The following ZFPM2 variants were observed in gnomAD, a reference collection of about 807,000 sequenced individuals.
The protein encoded by ZFPM2 is zinc finger protein ZFPM2.
A neutral mutation model predicts 98.6 loss-of-function variants in ZFPM2; 20 were observed. The observed-to-expected ratio is 0.20, with a 90% CI of 0.14 to 0.29. The LOEUF (loss-of-function observed/expected upper bound fraction) is 0.29. Ranked by LOEUF, ZFPM2 falls within the 10% of genes least tolerant of loss-of-function variation. The pLI is 1.00. For synonymous variants in ZFPM2, 518 were observed against 502.7 expected (o/e 1.03, Z -0.41); for missense variants, 1,310 against 1,388.6 (o/e 0.94, Z 0.90).
chr8:105,346,840 C>T (rs1370702017), intron 1 of ZFPM2, among the ~76,000 whole-genome samples: 3 of 152,074 alleles, frequency 2.0e-5, no homozygotes, highest in Non-Finnish European at 4.4e-5. Context: ...CAGGATCCAA[C>T]GATGAATAAG....
chr8:105,662,960 C>T (rs1286727790), intron 5 of ZFPM2: 2 of 152,092 alleles, frequency 1.3e-5, no homozygotes, highest in Non-Finnish European at 2.9e-5. Context: ...AGAGACAACA[C>T]TCGAAGAATG....
intron 4 of ZFPM2, 27 bp from the exon 5 acceptor site, chr8:105,634,219 A>C (rs376900766): frequency 4.1e-5 from 64 of 1,557,280 alleles, no homozygotes; most frequent in Non-Finnish European, 5.5e-5. Context: ...AGCAAATGGC[A>C]TCTGTTTGTT....
At chr8:105,679,675 T>C (rs1395513643) in intron 5 of ZFPM2, among the ~76,000 whole-genome samples, 2 of 151,872 alleles carry the variant, frequency 1.3e-5, no homozygotes, top group Admixed American at 6.6e-5. Flanking sequence ...TGTGTGCCTG[T>C]AGTCCCAGCT....
intron 5 of ZFPM2, among the ~76,000 whole-genome samples, chr8:105,664,382 C>G (rs1817451349): frequency 6.6e-6 from 1 of 151,122 alleles, no homozygotes; most frequent in Non-Finnish European, 1.5e-5. Flanking sequence ...GTTCTTGTTG[C>G]CCAGGCTGGA....
chr8:105,678,860 G>C (rs1437119467), intron 5 of ZFPM2: 1 of 152,142 alleles, frequency 6.6e-6, no homozygotes, highest in African/African-American at 2.4e-5. Flanking sequence ...TAATAGAATA[G>C]AAGCACACAA....
At chr8:105,798,324 C>T (rs1813894932) in intron 6 of ZFPM2, 1 of 158,444 alleles carries the variant, frequency 6.3e-6, no homozygotes, top group African/African-American at 2.4e-5. Flanking sequence ...GTGGCACTCA[C>T]CTGTAATCCC....
At chr8:105,665,130 T>C (rs1378977529) in intron 5 of ZFPM2, among the ~76,000 whole-genome samples, 2 of 152,090 alleles carry the variant, frequency 1.3e-5, no homozygotes, top group Non-Finnish European at 2.9e-5. Context: ...AGGTACCATA[T>C]GGTGAGAGAG....
Position 105,804,355 on chromosome 8 carries a change from A to T in ZFPM2, c.*817A>T, listed in dbSNP as rs1372713013. The T allele has an allele frequency of 1.3e-5, 2 of 152,576 alleles. No individual in the cohort carries two copies. The highest frequency in any genetic ancestry group is 2.4e-5 in the African/African-American group (1 of 41,446). 9.5% of individuals were successfully genotyped at this position (152,576 alleles called of 1,614,324 possible). Reference sequence around the variant, plus strand: ...TTTGAAAGGCACAGTCTAAATCGAAACCCTAAACTCAATGCTGCAAGTATG... The same window carrying T: ...TTTGAAAGGCACAGTCTAAATCGAATCCCTAAACTCAATGCTGCAAGTATG... On this transcript the variant is annotated 3_prime_UTR_variant, in exon 8 of 8. Transcript: ENST00000407775.
intron 3 of ZFPM2, among the ~76,000 whole-genome samples, chr8:105,538,218 G>C (rs1280911703): frequency 6.6e-6 from 1 of 152,044 alleles, no homozygotes; most frequent in African/African-American, 2.4e-5. Context: ...TTTTCCTTAA[G>C]CCTTTGCTTC....
chr8:105,345,949 T>C (rs181286931), intron 1 of ZFPM2, among the ~76,000 whole-genome samples: 110 of 152,212 alleles, frequency 7.2e-4, no homozygotes, highest in Non-Finnish European at 1.5e-3. Flanking sequence ...CTGATTTGAA[T>C]GTTTTTTTCA....
At chr8:105,791,927 G>A (rs1467201420) in intron 6 of ZFPM2, among the ~76,000 whole-genome samples, 15 of 152,106 alleles carry the variant, frequency 9.9e-5, no homozygotes, top group Admixed American at 2.6e-4. Context: ...CTGTGGGATC[G>A]CTGGTGATAT....
chr8:105,781,690 C>T (rs1275807014), intron 5 of ZFPM2, among the ~76,000 whole-genome samples: 3 of 152,088 alleles, frequency 2.0e-5, no homozygotes, highest in Non-Finnish European at 2.9e-5. Flanking sequence ...CACTGCACTC[C>T]AGCCTGGGTG....
chr8:105,564,646 G>C (rs1815207610), intron 4 of ZFPM2, among the ~76,000 whole-genome samples: 1 of 151,988 alleles, frequency 6.6e-6, no homozygotes, highest in Non-Finnish European at 1.5e-5. Context: ...TCTGATTCGA[G>C]AGTCTGCTTT....
At chr8:105,468,348 G>A (rs1812833242) in intron 3 of ZFPM2, among the ~76,000 whole-genome samples, 1 of 151,908 alleles carries the variant, frequency 6.6e-6, no homozygotes, top group Admixed American at 6.6e-5. Flanking sequence ...TCTGATCAGG[G>A]AACAATGTCC....
At chr8:105,442,451 ACTGT>A (rs1209665232) in intron 2 of ZFPM2, among the ~76,000 whole-genome samples, 3 of 152,190 alleles carry the variant, frequency 2.0e-5, no homozygotes, top group Non-Finnish European at 2.9e-5. Flanking sequence ...TCAAAAACGG[ACTGT>A]CTTTTTCTGT....
chr8:105,668,684 C>T (rs747862916), intron 5 of ZFPM2, among the ~76,000 whole-genome samples: 2 of 152,118 alleles, frequency 1.3e-5, no homozygotes, highest in African/African-American at 2.4e-5. Context: ...GTTAACTTTA[C>T]TAAAGAATGA....
At chr8:105,568,379 A>G (rs10103526) in intron 4 of ZFPM2, among the ~76,000 whole-genome samples, 102,988 of 151,780 alleles carry the variant, frequency 0.68, 36,487 homozygotes, top group African/African-American at 0.91. Flanking sequence ...CATTCTCTCA[A>G]TTATCCTGTG....
chr8:105,735,967 A>G (rs1282955433), intron 5 of ZFPM2, among the ~76,000 whole-genome samples: 2 of 152,004 alleles, frequency 1.3e-5, no homozygotes, highest in East Asian at 1.9e-4. Context: ...CCCTGGAAAG[A>G]TGATTACTCT....
intron 5 of ZFPM2, among the ~76,000 whole-genome samples, chr8:105,724,506 T>G (rs552554141): frequency 6.6e-6 from 1 of 152,008 alleles, no homozygotes; most frequent in African/African-American, 2.4e-5. Context: ...ACCATCACTT[T>G]TTATGAGATA....
Sources: allele counts gnomAD v4.1 joint callset (sites outside exome capture counted in the v4.1 genomes callset), GRCh38; gene constraint gnomAD v4.1.1; transcripts MANE v1.5; gene names NCBI Gene and HGNC (gene_info 2026-07-23, HGNC 2026-07-21).